The following MYO16 variants were observed in gnomAD, a reference collection of about 807,000 sequenced individuals.
MYO16 encodes unconventional myosin-XVI.
In MYO16, 94 loss-of-function variants were observed where a neutral mutation model predicts 205.3. The ratio of observed to expected loss-of-function variants is 0.46; its 90% CI spans 0.39 to 0.54. The LOEUF is 0.54. MYO16 is among the 20% of genes least tolerant of loss of function. The probability of loss-of-function intolerance (pLI) is 0.00; values close to 1 mark genes in which losing one functional copy is unlikely to be tolerated. For synonymous variants in MYO16, 988 were observed against 954.0 expected (o/e 1.04, Z -0.66); for missense variants, 2,315 against 2,387.5 (o/e 0.97, Z 0.63).
intron 4 of MYO16, among the ~76,000 whole-genome samples, chr13:108,732,584 CA>C (rs139252784): frequency 2.0e-3 from 298 of 152,188 alleles, no homozygotes; most frequent in African/African-American, 6.8e-3. Context: ...TGACAGGGGT[CA>C]GGGGATAGAT....
intron 16 of MYO16, among the ~76,000 whole-genome samples, chr13:108,933,133 T>C (rs1882333002): frequency 6.6e-6 from 1 of 152,138 alleles, no homozygotes; most frequent in Non-Finnish European, 1.5e-5. Flanking sequence ...AGAAAGAGTA[T>C]ACCAAGGCAT....
At chr13:108,727,640 A>G (rs1284347212) in intron 4 of MYO16, 57 bp downstream of exon 4, 6 of 1,536,316 alleles carry the variant, frequency 3.9e-6, no homozygotes, top group Non-Finnish European at 5.3e-6. Context: ...AAAAGGCTAT[A>G]TATTTAACTA....
intron 16 of MYO16, among the ~76,000 whole-genome samples, chr13:108,921,553 A>G (rs1881746992): frequency 6.6e-6 from 1 of 152,254 alleles, no homozygotes; most frequent in Admixed American, 6.5e-5. Flanking sequence ...GATATAGGAC[A>G]TTGCAAAAAT....
chr13:108,767,698 C>A (rs1885828370), intron 4 of MYO16, among the ~76,000 whole-genome samples: 1 of 152,112 alleles, frequency 6.6e-6, no homozygotes, highest in Non-Finnish European at 1.5e-5. Context: ...ACCAAATCTA[C>A]TGCCTTCAAC....
the MYO16 span, among the ~76,000 whole-genome samples, chr13:108,541,723 A>G: frequency 6.6e-6 from 1 of 152,172 alleles, no homozygotes; most frequent in Admixed American, 6.5e-5. Flanking sequence ...GCTCAATATC[A>G]CTAATCATTA....
chr13:108,730,663 T>G (rs371453225), intron 4 of MYO16, among the ~76,000 whole-genome samples: 5 of 152,200 alleles, frequency 3.3e-5, no homozygotes, highest in African/African-American at 1.2e-4. Context: ...CTTCTTCATG[T>G]TGAGGCTAAG....
intron 20 of MYO16, among the ~76,000 whole-genome samples, chr13:108,976,872 T>C (rs1448508315): frequency 6.6e-6 from 1 of 152,170 alleles, no homozygotes; most frequent in Non-Finnish European, 1.5e-5. Flanking sequence ...ACCTACTACC[T>C]TGAATTAATA....
chr13:108,784,198 G>C (rs1228022795), intron 4 of MYO16, among the ~76,000 whole-genome samples: 1 of 151,974 alleles, frequency 6.6e-6, no homozygotes, highest in Non-Finnish European at 1.5e-5. Context: ...AGAATCATTA[G>C]CAAAGTCTAC....
At position 108,792,076 on chromosome 13, in the gene MYO16, G is replaced by A. The variant is rs189082205; in HGVS notation, c.617-1440G>A. 1.8e-3 allele frequency among the ~76,000 whole-genome samples: 268 copies of A among 152,250 alleles called. 2 individuals are homozygous for A. The highest frequency in any genetic ancestry group is 3.0e-3 in the Admixed American group (46 of 15,286). ...ATTCTCCTTAGTAAATACATATTTT[G>A]TTCAGGAACCAATGCTAGGAATAGG... On this transcript the variant is annotated intron_variant, in intron 5 of 34. Transcript: ENST00000457511.
chr13:108,532,237 A>G, the MYO16 span, among the ~76,000 whole-genome samples: 16 of 152,006 alleles, frequency 1.1e-4, no homozygotes, highest in Non-Finnish European at 1.5e-5. Context: ...ATAAAAATAA[A>G]TAAATGAAAA....
intron 1 of MYO16, among the ~76,000 whole-genome samples, chr13:108,644,425 A>C (rs1451095231): frequency 6.6e-6 from 1 of 151,616 alleles, no homozygotes; most frequent in Admixed American, 6.6e-5. Flanking sequence ...TCATCTGTTT[A>C]AATTACTGCA....
At chr13:108,755,532 G>A (rs1285120784) in intron 4 of MYO16, among the ~76,000 whole-genome samples, 1 of 146,600 alleles carries the variant, frequency 6.8e-6, no homozygotes, top group African/African-American at 2.6e-5. Context: ...TTGCTAGTCT[G>A]TGATTTTTCT....
chr13:109,113,950 A>G (rs1466039364), intron 28 of MYO16, among the ~76,000 whole-genome samples: 1 of 152,176 alleles, frequency 6.6e-6, no homozygotes, highest in Non-Finnish European at 1.5e-5. Context: ...ATAGGTATGG[A>G]CTCGGGGATA....
At chr13:108,730,852 C>G (rs967399294) in intron 4 of MYO16, among the ~76,000 whole-genome samples, 3 of 152,200 alleles carry the variant, frequency 2.0e-5, no homozygotes, top group Admixed American at 6.5e-5. Context: ...GTTCTAGACA[C>G]TCCTTCTCTG....
At chr13:108,673,051 G>A (rs1426604781) in intron 2 of MYO16, among the ~76,000 whole-genome samples, 1 of 151,144 alleles carries the variant, frequency 6.6e-6, no homozygotes, top group Non-Finnish European at 1.5e-5. Flanking sequence ...AAGTAGGTAG[G>A]TCATGCACCC....
intron 12 of MYO16, among the ~76,000 whole-genome samples, chr13:108,880,314 C>T (rs1022837349): frequency 1.3e-5 from 2 of 152,124 alleles, no homozygotes; most frequent in Non-Finnish European, 2.9e-5. Context: ...CTGTAGGTTG[C>T]CTGTTCACTC....
chr13:109,178,291 C>G (rs992624496), intron 33 of MYO16, among the ~76,000 whole-genome samples: 1 of 152,052 alleles, frequency 6.6e-6, no homozygotes, highest in Non-Finnish European at 1.5e-5. Context: ...GCAAGAGACC[C>G]CCCCCACCCA....
intron 34 of MYO16, among the ~76,000 whole-genome samples, chr13:109,187,493 A>G (rs1879734299): frequency 6.6e-6 from 1 of 152,218 alleles, no homozygotes; most frequent in African/African-American, 2.4e-5. Flanking sequence ...TCTTCCTAAT[A>G]AAAGCATTTA....
At chr13:108,956,454 A>G (rs980581867) in intron 16 of MYO16, among the ~76,000 whole-genome samples, 1 of 151,962 alleles carries the variant, frequency 6.6e-6, no homozygotes, top group East Asian at 1.9e-4. Context: ...AGGCGCCAAC[A>G]TGATCATGCC....
Sources: allele counts gnomAD v4.1 joint callset (sites outside exome capture counted in the v4.1 genomes callset), GRCh38; gene constraint gnomAD v4.1.1; transcripts MANE v1.5; gene names NCBI Gene and HGNC (gene_info 2026-07-23, HGNC 2026-07-21).